ADGRA1: variants seen among roughly 807,000 people sequenced by gnomAD.
ADGRA1 encodes adhesion G protein-coupled receptor A1, also known as G-protein coupled receptor 123.
In ADGRA1, 12 loss-of-function variants were observed where a neutral mutation model predicts 21.3. The observed-to-expected ratio is 0.56, with a 90% confidence interval of 0.36 to 0.91. The LOEUF (loss-of-function observed/expected upper bound fraction) is 0.91, where lower values mean the gene tolerates loss of function less well. ADGRA1 is among the 40% of genes least tolerant of loss of function. The probability of loss-of-function intolerance (pLI) is 0.01; values close to 1 mark genes in which losing one functional copy is unlikely to be tolerated. For synonymous variants in ADGRA1, 385 were observed against 368.8 expected (o/e 1.04, Z -0.50); for missense variants, 790 against 805.6 (o/e 0.98, Z 0.23).
At chr10:133,116,769 A>G (rs1321267172) in intron 5 of ADGRA1, among the ~76,000 whole-genome samples, 1 of 151,532 alleles carries the variant, frequency 6.6e-6, no homozygotes, top group Non-Finnish European at 1.5e-5. Flanking sequence ...TCTTTCCTCC[A>G]TCCTCTCCTC....
chr10:133,101,935 C>CTCTG (rs1564845542), intron 4 of ADGRA1, among the ~76,000 whole-genome samples: 2 of 152,246 alleles, frequency 1.3e-5, no homozygotes, highest in African/African-American at 4.8e-5. Flanking sequence ...GAAAATTGAG[C>CTCTG]TCTGGATCTG....
intron 5 of ADGRA1, among the ~76,000 whole-genome samples, chr10:133,112,689 A>ATAAG (rs1852071203): frequency 1.3e-4 from 3 of 22,262 alleles, no homozygotes; most frequent in Admixed American, 5.7e-4. Flanking sequence ...TTTGGGGTCT[A>ATAAG]CGGGCCACGT....
intron 4 of ADGRA1, among the ~76,000 whole-genome samples, chr10:133,100,181 G>T (rs1467318436): frequency 6.6e-6 from 1 of 152,190 alleles, no homozygotes; most frequent in Non-Finnish European, 1.5e-5. Flanking sequence ...CCTGGGCCTG[G>T]GCCTGGGCCC....
Position 133,128,465 on chromosome 10 carries a change from A to C in ADGRA1, c.637A>C (p.Thr213Pro). The change falls in exon 7 of 7, where the codon ACA becomes CCA. Residue 213 changes from threonine to proline, a missense_variant. Thr to Pro is a conservative substitution (Grantham distance 38). Around this residue, in one of 3 missense-constraint regions of ADGRA1, gnomAD observed 382 missense variants for 415.6 expected, o/e 0.92. Coordinates refer to ENST00000392607, the MANE Select transcript of ADGRA1 (RefSeq NM_001083909.3). ...RHPGRRYELR[T>P]QPEEQRRLAT... is the part of the protein sequence containing the mutation. Reference sequence around the variant, plus strand: ...CCCAGGGCGCAGGTACGAGCTGCGCACACAGCCCGAGGAGCAGCGGCGGCT... The same window carrying C: ...CCCAGGGCGCAGGTACGAGCTGCGCCCACAGCCCGAGGAGCAGCGGCGGCT... 3 of 1,588,464 alleles carry C rather than the reference A, an allele frequency of 1.9e-6. No individual in the cohort carries two copies. Among genetic ancestry groups the C allele is most frequent in the African/African-American group, 1.4e-5 (1 of 74,010 alleles).
In ADGRA1 at chr10:133,128,599, C is replaced by T. The variant is rs745997286; in HGVS notation, c.771C>T (p.Arg257=). 76 of 1,596,338 alleles carry T rather than the reference C, an allele frequency of 4.8e-5. No individual in the cohort carries two copies. Among genetic ancestry groups the T allele is most frequent in the African/African-American group, 8.0e-5 (6 of 74,622 alleles). ...QNEHSFQAQL[R]AAAFTLFLFT... is the part of the protein sequence containing the mutation. ...AGCACTCATTCCAGGCACAGCTGCG[C>T]GCCGCCGCCTTCACGCTGTTCCTGT... The change falls in exon 7 of 7, where the codon CGC becomes CGT. Residue 257 remains arginine (R), a synonymous_variant. Transcript: ENST00000392607.
chr10:133,111,297 C>CGCCACAGACA (rs1269119045), intron 5 of ADGRA1, among the ~76,000 whole-genome samples: 1 of 62,990 alleles, frequency 1.6e-5, no homozygotes. Flanking sequence ...ACAACCTGCC[C>CGCCACAGACA]CCCCGGGAAC....
intron 5 of ADGRA1, among the ~76,000 whole-genome samples, chr10:133,123,155 C>T (rs1204320507): frequency 6.6e-6 from 1 of 152,222 alleles, no homozygotes; most frequent in Non-Finnish European, 1.5e-5. Flanking sequence ...CCTGCTAACT[C>T]CTCACAAGCC....
chr10:133,089,755 C>A (rs1037940291), intron 2 of ADGRA1, among the ~76,000 whole-genome samples: 1 of 152,226 alleles, frequency 6.6e-6, no homozygotes, highest in Admixed American at 6.5e-5. Flanking sequence ...CTTCTTGTTC[C>A]GTTCGAAATG....
Position 133,088,905 on chromosome 10 carries a change from C to T in ADGRA1, c.-5C>T, listed in dbSNP as rs764009387. On this transcript the variant is annotated 5_prime_UTR_variant, in exon 2 of 7. Transcript: ENST00000392607. ...CGCTCACGCTTCCGCAACTTTGCAG[C>T]GCTCATGGTGAGTACGGGGGTCCCG... 2.7e-4 allele frequency: 337 copies of T among 1,242,032 alleles called. 4 individuals carry two copies. The East Asian group carries it at 0.01, about 38-fold the overall frequency. The allele number at this position is 1,242,032 out of a possible 1,614,324, so 76.9% of individuals were successfully genotyped here.
At chr10:133,103,770 G>T (rs557712997) in intron 5 of ADGRA1, among the ~76,000 whole-genome samples, 1 of 152,234 alleles carries the variant, frequency 6.6e-6, no homozygotes, top group Non-Finnish European at 1.5e-5. Flanking sequence ...GCCGGAGCTC[G>T]CCAGGGAGCT....
intron 5 of ADGRA1, among the ~76,000 whole-genome samples, chr10:133,117,306 T>A (rs1326283869): frequency 6.6e-6 from 1 of 152,004 alleles, no homozygotes; most frequent in Admixed American, 6.5e-5. Context: ...CCGAGACCTG[T>A]GCACACAGAG....
At chr10:133,109,863 G>A (rs572882005) in intron 5 of ADGRA1, among the ~76,000 whole-genome samples, 60 of 152,386 alleles carry the variant, frequency 3.9e-4, no homozygotes, top group South Asian at 1.9e-3. Context: ...TTTGTTCTGA[G>A]GCTTGGGTGA....
chr10:133,093,019 G>A (rs41283463), intron 2 of ADGRA1: 21,132 of 1,595,414 alleles, frequency 0.013, 129 homozygotes, highest in African/African-American at 0.02. Context: ...TCCTCAGCCA[G>A]TCGGAGCTGC....
At chr10:133,101,327 T>C (rs1197024945) in intron 4 of ADGRA1, among the ~76,000 whole-genome samples, 1 of 152,204 alleles carries the variant, frequency 6.6e-6, no homozygotes, top group Non-Finnish European at 1.5e-5. Flanking sequence ...ACTGTTGCTA[T>C]GGCAACAAAG....
intron 5 of ADGRA1, among the ~76,000 whole-genome samples, chr10:133,106,060 C>T (rs1412902525): frequency 6.6e-6 from 1 of 152,236 alleles, no homozygotes; most frequent in East Asian, 1.9e-4. Context: ...GGGGCACCCT[C>T]TCCCACCCCG....
chr10:133,093,451 A>G (rs1306982615), intron 2 of ADGRA1, among the ~76,000 whole-genome samples: 2 of 152,258 alleles, frequency 1.3e-5, no homozygotes, highest in Non-Finnish European at 2.9e-5. Context: ...CAAATAAGCC[A>G]GAGCACGAGT....
chr10:133,121,622 G>A (rs1431645660), intron 5 of ADGRA1, among the ~76,000 whole-genome samples: 1 of 150,216 alleles, frequency 6.7e-6, no homozygotes, highest in Non-Finnish European at 1.5e-5. Context: ...GTGCCTGTGT[G>A]TGTGATGTGT....
Position 133,129,788 on chromosome 10 carries a change from T to C in ADGRA1, c.*277T>C. The C allele has an allele frequency of 2.3e-6, 1 of 431,056 alleles. No homozygotes were observed. The highest frequency in any genetic ancestry group is 4.3e-6 in the Non-Finnish European group (1 of 233,992). The allele number at this position is 431,056 out of a possible 1,614,324, so 26.7% of individuals were successfully genotyped here. ...CCCTTATCCCAATTCCGCGTGCTGGTCCCGCACACGGTCATCCGGTTTCTG... is the reference window on the plus strand; with the variant it reads ...CCCTTATCCCAATTCCGCGTGCTGGCCCCGCACACGGTCATCCGGTTTCTG... On this transcript the variant is annotated 3_prime_UTR_variant, in exon 7 of 7. Coordinates refer to ENST00000392607, the MANE Select transcript of ADGRA1 (RefSeq NM_001083909.3).
At chr10:133,097,155 C>T in intron 3 of ADGRA1, 54 bp downstream of exon 3, 1 of 1,593,426 alleles carries the variant, frequency 6.3e-7, no homozygotes, top group African/African-American at 1.3e-5. Context: ...CTGCTTTTAC[C>T]TTCAAAGGCA....
Sources: gnomAD v4.1 joint callset for allele counts (sites outside exome capture counted in the v4.1 genomes callset) on GRCh38, gnomAD v4.1.1 for gene constraint, gnomAD v4.1.1 regional missense constraint, MANE v1.5 for transcripts, NCBI Gene and HGNC (gene_info 2026-07-23, HGNC 2026-07-21) for gene names.